SLC44A3: variants seen among roughly 807,000 people sequenced by gnomAD.
SLC44A3 encodes the protein solute carrier family 44 member 3, also known as choline transporter-like protein 3.
A neutral mutation model predicts 75.4 loss-of-function variants in SLC44A3; 74 were observed. That is an observed-to-expected ratio of 0.98 (90% CI 0.81 to 1.19). The LOEUF (loss-of-function observed/expected upper bound fraction) is 1.19, where lower values mean the gene tolerates loss of function less well. Among genes scored for constraint, SLC44A3 ranks in the 50% most tolerant of loss-of-function variants. The pLI is 0.00. For synonymous variants in SLC44A3, 310 were observed against 296.9 expected (o/e 1.04, Z -0.45); for missense variants, 700 against 778.6 (o/e 0.90, Z 1.20).
chr1:94,891,369 A>T, intron 13 of SLC44A3, 102 bp downstream of exon 13: 1 of 1,221,274 alleles, frequency 8.2e-7, no homozygotes, highest in South Asian at 1.6e-5. Context: ...CTTACTCTAT[A>T]GTGGGTGCTG....
At chr1:94,882,855 T>C (rs1669146882) in intron 12 of SLC44A3, among the ~76,000 whole-genome samples, 1 of 150,358 alleles carries the variant, frequency 6.7e-6, no homozygotes, top group South Asian at 2.2e-4. Flanking sequence ...CCTGTCGAGA[T>C]TGCCAATTCC....
chr1:94,881,822 C>A (rs1282533996), intron 12 of SLC44A3, among the ~76,000 whole-genome samples: 1 of 149,670 alleles, frequency 6.7e-6, no homozygotes, highest in African/African-American at 2.5e-5. Flanking sequence ...ACCATCCTGG[C>A]CAACATGGTG....
At chr1:94,873,884 T>G (rs1668015817) in intron 12 of SLC44A3, among the ~76,000 whole-genome samples, 1 of 152,258 alleles carries the variant, frequency 6.6e-6, no homozygotes, top group African/African-American at 2.4e-5. Context: ...GAAACAGTTC[T>G]TTCAGAAGCT....
rs184454549 is a variant in SLC44A3 at position 94,880,637 on chromosome 1, C to T, written c.1483-10493C>T. Among the ~76,000 whole-genome samples the T allele has an allele frequency of 3.9e-5, 6 of 152,012 alleles. No individual in the cohort carries two copies. In the East Asian group the frequency reaches 9.7e-4, roughly 25 times the overall value. On this transcript the variant is annotated intron_variant, in intron 12 of 14. Coordinates refer to ENST00000271227, the MANE Select transcript of SLC44A3 (RefSeq NM_001114106.3). ...GTCAAAATACTGTATTTGGCAAACA[C>T]AGTAAAAGTAGACACTGTATGAATA...
chr1:94,861,748 G>C (rs1234068985), intron 10 of SLC44A3, among the ~76,000 whole-genome samples: 4 of 152,136 alleles, frequency 2.6e-5, no homozygotes, highest in Non-Finnish European at 1.5e-5. Context: ...TGCACTACGA[G>C]GGCTGAAGAG....
intron 10 of SLC44A3, among the ~76,000 whole-genome samples, chr1:94,863,544 A>T (rs879514421): frequency 2.6e-5 from 4 of 152,220 alleles, no homozygotes; most frequent in Non-Finnish European, 4.4e-5. Flanking sequence ...TTAAAAAAAA[A>T]GAAAAATGAG....
chr1:94,884,880 A>G (rs1440115117), intron 12 of SLC44A3, among the ~76,000 whole-genome samples: 1 of 152,214 alleles, frequency 6.6e-6, no homozygotes, highest in African/African-American at 2.4e-5. Context: ...TAAATAGGTA[A>G]TCTAGATTTT....
At chr1:94,894,708 T>A in intron 14 of SLC44A3, 110 bp from the exon 15 acceptor site, 1 of 830,792 alleles carries the variant, frequency 1.2e-6, no homozygotes, top group South Asian at 1.8e-5. Context: ...TTTTGTAAGT[T>A]AATTCTTCAG....
intron 12 of SLC44A3, among the ~76,000 whole-genome samples, chr1:94,890,514 A>G (rs1037008024): frequency 6.6e-6 from 1 of 152,184 alleles, no homozygotes; most frequent in Non-Finnish European, 1.5e-5. Flanking sequence ...GGAATGGCTG[A>G]CTGAGGCTGA....
At chr1:94,832,581 A>G (rs1662267280) in intron 5 of SLC44A3, among the ~76,000 whole-genome samples, 1 of 152,232 alleles carries the variant, frequency 6.6e-6, no homozygotes. Context: ...GCCCCTGAAT[A>G]AAAACACAGG....
intron 12 of SLC44A3, among the ~76,000 whole-genome samples, chr1:94,875,678 C>T (rs566841251): frequency 2.0e-5 from 3 of 152,188 alleles, no homozygotes; most frequent in African/African-American, 7.2e-5. Flanking sequence ...CATTTGCATC[C>T]TGGGAAGTTT....
chr1:94,838,694 C>G (rs1663147241), intron 6 of SLC44A3, among the ~76,000 whole-genome samples: 1 of 152,200 alleles, frequency 6.6e-6, no homozygotes, highest in South Asian at 2.1e-4. Flanking sequence ...GGATATTTAA[C>G]TAGTCACTAT....
intron 8 of SLC44A3, among the ~76,000 whole-genome samples, chr1:94,844,160 G>GCAA: frequency 6.6e-6 from 1 of 152,324 alleles, no homozygotes; most frequent in Middle Eastern, 3.4e-3. Flanking sequence ...AATAGGGTAA[G>GCAA]TGTGGAATAA....
chr1:94,841,664 A>G (rs538533907), intron 7 of SLC44A3, among the ~76,000 whole-genome samples: 1 of 152,140 alleles, frequency 6.6e-6, no homozygotes, highest in East Asian at 1.9e-4. Context: ...GAGCTCTGGC[A>G]TTGTCCCTCT....
chr1:94,877,032 C>G (rs1668367073), intron 12 of SLC44A3, among the ~76,000 whole-genome samples: 1 of 151,966 alleles, frequency 6.6e-6, no homozygotes, highest in Non-Finnish European at 1.5e-5. Flanking sequence ...TCCTGGTCAC[C>G]TAGAAGCCCC....
At chr1:94,857,265 T>A (rs1557848576) in intron 9 of SLC44A3, 70 bp from the exon 10 acceptor site, 2 of 1,441,270 alleles carry the variant, frequency 1.4e-6, no homozygotes, top group Non-Finnish European at 1.8e-6. Context: ...TAAAGAAACA[T>A]GGCTTGTTGA....
chr1:94,857,392 G>A lies in SLC44A3; in HGVS notation c.1130G>A (p.Arg377Gln), dbSNP rs775049702. ...GAATATAAGCCCCTTTCGGGCATTC[G>A]GTACATGTGGTCGTACCATTTAATT... ...QVEYKPLSGI[R>Q]YMWSYHLIGL... Residue 377 changes from arginine (R) to glutamine (Q), a missense_variant, in exon 10 of 15, where the codon CGG becomes CAG. Physicochemically the swap from Arg to Gln is conservative, Grantham distance 43. Transcript: ENST00000271227. The A allele has an allele frequency of 1.8e-5, 29 of 1,613,632 alleles. No homozygotes were observed. Among genetic ancestry groups the A allele is most frequent in the Admixed American group, 8.3e-5 (5 of 59,922 alleles).
chr1:94,847,630 G>A (rs1343730107), intron 9 of SLC44A3, among the ~76,000 whole-genome samples: 1 of 152,234 alleles, frequency 6.6e-6, no homozygotes, highest in Non-Finnish European at 1.5e-5. Flanking sequence ...GGTCAGAAGG[G>A]AGGGCAGTGG....
At chr1:94,833,201 A>G (rs978039456) in intron 5 of SLC44A3, among the ~76,000 whole-genome samples, 2 of 152,178 alleles carry the variant, frequency 1.3e-5, no homozygotes, top group Admixed American at 6.5e-5. Flanking sequence ...GTGAAGGAAG[A>G]AAATAGTAGC....
Sources: gnomAD v4.1 joint callset for allele counts (sites outside exome capture counted in the v4.1 genomes callset) on GRCh38, gnomAD v4.1.1 for gene constraint, MANE v1.5 for transcripts, NCBI Gene and HGNC (gene_info 2026-07-23, HGNC 2026-07-21) for gene names.